IGF1R: variants seen among roughly 807,000 people sequenced by gnomAD.
IGF1R encodes insulin-like growth factor 1 receptor.
A neutral mutation model predicts 144.6 loss-of-function variants in IGF1R; 44 were observed. The ratio of observed to expected loss-of-function variants is 0.30; its 90% CI spans 0.24 to 0.39. The LOEUF is 0.39. Ranked by LOEUF, IGF1R falls within the 10% of genes least tolerant of loss-of-function variation. The pLI, the probability that IGF1R is intolerant of heterozygous loss-of-function variation, is 1.00. For missense variants in IGF1R, 1,355 were observed against 1,833.7 expected, an observed-to-expected ratio of 0.74 and a Z score of 4.77; for synonymous variants, 795 against 722.8, an observed-to-expected ratio of 1.10 and a Z score of -1.60.
intron 2 of IGF1R, among the ~76,000 whole-genome samples, chr15:98,794,292 A>C (rs565337679): frequency 2.6e-5 from 4 of 152,266 alleles, no homozygotes; most frequent in African/African-American, 9.6e-5. Context: ...CATTGATTTC[A>C]TGCCAGCTGT....
At chr15:98,927,390 G>C (rs1388425034) in intron 13 of IGF1R, among the ~76,000 whole-genome samples, 1 of 152,192 alleles carries the variant, frequency 6.6e-6, no homozygotes, top group East Asian at 1.9e-4. Context: ...TTACTCCTCA[G>C]ACTTCTCTTT....
intron 2 of IGF1R, among the ~76,000 whole-genome samples, chr15:98,760,361 A>AATCCGTTT (rs1555441533): frequency 3.3e-5 from 5 of 152,118 alleles, no homozygotes; most frequent in African/African-American, 2.4e-5. Flanking sequence ...AAAAAAAAAA[A>AATCCGTTT]ATCCGTTTAC....
chr15:98,794,288 T>C (rs2056191242), intron 2 of IGF1R, among the ~76,000 whole-genome samples: 1 of 152,222 alleles, frequency 6.6e-6, no homozygotes. Context: ...TGGACATTGA[T>C]TTCATGCCAG....
intron 2 of IGF1R, among the ~76,000 whole-genome samples, chr15:98,774,866 A>G (rs2055674762): frequency 6.6e-6 from 1 of 152,190 alleles, no homozygotes; most frequent in African/African-American, 2.4e-5. Flanking sequence ...ATATTTTCCC[A>G]CAATTAAATT....
At chr15:98,899,820 A>G (rs1476344827) in intron 5 of IGF1R, among the ~76,000 whole-genome samples, 199 bp downstream of exon 5, 1 of 152,092 alleles carries the variant, frequency 6.6e-6, no homozygotes, top group Non-Finnish European at 1.5e-5. Flanking sequence ...TGTTTGGAAA[A>G]CAGAGATGTT....
At chr15:98,826,141 G>T (rs1033112258) in intron 2 of IGF1R, among the ~76,000 whole-genome samples, 1 of 152,186 alleles carries the variant, frequency 6.6e-6, no homozygotes, top group Non-Finnish European at 1.5e-5. Flanking sequence ...AAATCAGGGG[G>T]ATTCCCAAAT....
At position 98,957,788 on chromosome 15, in the gene IGF1R, C is replaced by T. The variant is rs34336558; in HGVS notation, c.*346C>T. 23 of 362,208 alleles carry T rather than the reference C, an allele frequency of 6.3e-5. No homozygotes were observed. In the East Asian group the frequency reaches 9.4e-4, roughly 15 times the overall value. The allele number at this position is 362,208 out of a possible 1,614,324, so 22.4% of individuals were successfully genotyped here. A position where few individuals can be genotyped will look rare whatever the true frequency, so the allele number is the denominator to read the frequency against. On this transcript the variant is annotated 3_prime_UTR_variant, in exon 21 of 21. Coordinates refer to ENST00000650285, the MANE Select transcript of IGF1R (RefSeq NM_000875.5). ...CTCCCTTTCTCTCTCCTCTCTGCTT[C>T]ATAACGGAAAAATAATTGCCACAAG... is the stretch of plus-strand genomic sequence containing the variant.
Position 98,958,435 on chromosome 15 carries a change from G to T in IGF1R, c.*993G>T. 1 of 167,908 alleles carries T rather than the reference G, an allele frequency of 6.0e-6. No individual in the cohort carries two copies. Among genetic ancestry groups the T allele is most frequent in the East Asian group, 1.3e-4 (1 of 7,980 alleles). 10.4% of individuals were successfully genotyped at this position (167,908 alleles called of 1,614,324 possible). ...TCCCCCGCCCGCCCCCAAGGACACA[G>T]ATGGGAAGGGGTTTCCAGGGACTCA... is the stretch of plus-strand genomic sequence containing the variant. On this transcript the variant is annotated 3_prime_UTR_variant, in exon 21 of 21. Coordinates refer to ENST00000650285, the MANE Select transcript of IGF1R (RefSeq NM_000875.5).
At chr15:98,820,204 T>A (rs1596330295) in intron 2 of IGF1R, among the ~76,000 whole-genome samples, 1 of 916 alleles carries the variant, frequency 1.1e-3, no homozygotes, top group Non-Finnish European at 4.7e-3. Flanking sequence ...GCTATTTTCA[T>A]ATATATATAT....
intron 2 of IGF1R, among the ~76,000 whole-genome samples, chr15:98,748,783 A>G (rs1317230491): frequency 6.6e-6 from 1 of 152,216 alleles, no homozygotes; most frequent in Non-Finnish European, 1.5e-5. Context: ...TGGTATCTTC[A>G]CTGCAAACAT....
intron 2 of IGF1R, among the ~76,000 whole-genome samples, chr15:98,874,803 G>T (rs983016605): frequency 1.3e-5 from 2 of 152,222 alleles, no homozygotes; most frequent in Admixed American, 1.3e-4. Flanking sequence ...GCCTAGCTTG[G>T]GGGTGGGGAG....
chr15:98,877,322 A>C (rs1427127979), intron 2 of IGF1R, among the ~76,000 whole-genome samples: 1 of 152,192 alleles, frequency 6.6e-6, no homozygotes, highest in East Asian at 1.9e-4. Flanking sequence ...AGATCCAAGG[A>C]AGAAAATGGA....
intron 2 of IGF1R, among the ~76,000 whole-genome samples, chr15:98,853,298 C>T (rs2011618000): frequency 1.3e-5 from 2 of 152,098 alleles, no homozygotes; most frequent in South Asian, 4.1e-4. Context: ...TCCAGCAGTA[C>T]AATGTGGTTG....
chr15:98,846,575 G>T (rs2011336207), intron 2 of IGF1R, among the ~76,000 whole-genome samples: 1 of 152,214 alleles, frequency 6.6e-6, no homozygotes, highest in Non-Finnish European at 1.5e-5. Flanking sequence ...ACCACACGGT[G>T]ATGGTAACAG....
Position 98,939,372 on chromosome 15 carries a change from G to A in IGF1R, c.3457+12G>A. On this transcript the variant is annotated intron_variant, in intron 18 of 20. Coordinates refer to ENST00000650285, the MANE Select transcript of IGF1R (RefSeq NM_000875.5). Reference sequence around the variant, plus strand: ...AGTCAAAATCGGAGGTGTGTCCTTAGCTTTCCAGGTCTGGGCAAGAACTAA... The same window carrying A: ...AGTCAAAATCGGAGGTGTGTCCTTAACTTTCCAGGTCTGGGCAAGAACTAA... 1 of 1,614,000 alleles carries A rather than the reference G, an allele frequency of 6.2e-7. No homozygotes were observed. The highest frequency in any genetic ancestry group is 8.5e-7 in the Non-Finnish European group (1 of 1,179,914).
chr15:98,789,343 C>CT (rs1455902546), intron 2 of IGF1R, among the ~76,000 whole-genome samples: 5 of 152,140 alleles, frequency 3.3e-5, no homozygotes, highest in African/African-American at 1.2e-4. Flanking sequence ...GCTGGCTAGC[C>CT]TTTTTTTAAA....
At chr15:98,736,149 G>A (rs2054603541) in intron 2 of IGF1R, among the ~76,000 whole-genome samples, 1 of 152,218 alleles carries the variant, frequency 6.6e-6, no homozygotes, top group Non-Finnish European at 1.5e-5. Context: ...GATGATGGGA[G>A]ATGATATTTT....
rs886051603 is a variant in IGF1R, at chr15:98,962,957, C to T, written c.*5515C>T. On this transcript the variant is annotated 3_prime_UTR_variant, in exon 21 of 21. Transcript: ENST00000650285. ...AACGATCACTCATTTTTATGTCCCA[C>T]GTGTGTGTGTCCGCATCTTTCTGGT... 2.5e-4 allele frequency: 59 copies of T among 233,546 alleles called. No individual in the cohort carries two copies. The highest frequency in any genetic ancestry group is 1.2e-4 in the East Asian group (2 of 16,602). The allele number at this position is 233,546 out of a possible 1,614,324, so 14.5% of individuals were successfully genotyped here.
At chr15:98,662,581 TACTCGAGCTTGTTG>T (rs1001469345) in intron 1 of IGF1R, among the ~76,000 whole-genome samples, 1 of 152,086 alleles carries the variant, frequency 6.6e-6, no homozygotes, top group Non-Finnish European at 1.5e-5. Context: ...TTTTTTTTTT[TACTCGAGCTTGTTG>T]TCTAGTTGGG....
Sources: gnomAD v4.1 joint callset for allele counts (sites outside exome capture counted in the v4.1 genomes callset) on GRCh38, gnomAD v4.1.1 for gene constraint, MANE v1.5 for transcripts, NCBI Gene and HGNC (gene_info 2026-07-23, HGNC 2026-07-21) for gene names.